Variants in NDST3 observed in about 807,000 individuals in gnomAD.
The protein encoded by NDST3 is bifunctional heparan sulfate N-deacetylase/N-sulfotransferase 3.
NDST3 carries 58 observed loss-of-function variants against 96.1 expected under a neutral mutation model. The observed-to-expected ratio is 0.60, with a 90% confidence interval of 0.49 to 0.75. NDST3 has a LOEUF of 0.75. NDST3 is among the 30% of genes least tolerant of loss of function. The pLI is 0.00. For missense variants in NDST3, 788 were observed against 1,034.2 expected, an observed-to-expected ratio of 0.76 and a Z score of 3.27; for synonymous variants, 333 against 359.7, an observed-to-expected ratio of 0.93 and a Z score of 0.84.
intron 6 of NDST3, among the ~76,000 whole-genome samples, chr4:118,220,024 T>C (rs1578832498): frequency 6.6e-6 from 1 of 152,056 alleles, no homozygotes; most frequent in Non-Finnish European, 1.5e-5. Flanking sequence ...TTGGTAGGAA[T>C]GTAAATTAGT....
At chr4:118,060,286 AAT>A (rs1323251683) in intron 2 of NDST3, among the ~76,000 whole-genome samples, 8 of 152,150 alleles carry the variant, frequency 5.3e-5, no homozygotes, top group African/African-American at 1.2e-4. Context: ...ATTGTATTTT[AAT>A]ATGTTTTTTC....
At chr4:118,099,233 G>A (rs895568645) in intron 2 of NDST3, among the ~76,000 whole-genome samples, 3 of 152,008 alleles carry the variant, frequency 2.0e-5, no homozygotes, top group Admixed American at 6.6e-5. Flanking sequence ...TAAGTCACTC[G>A]GATTTCAATC....
chr4:118,141,793 A>G (rs1245849389), intron 5 of NDST3, among the ~76,000 whole-genome samples: 1 of 152,080 alleles, frequency 6.6e-6, no homozygotes, highest in East Asian at 1.9e-4. Flanking sequence ...AAATCCTTCA[A>G]GAGTAGAAAA....
chr4:118,185,636 T>C (rs1736902625), intron 6 of NDST3, among the ~76,000 whole-genome samples: 2 of 152,024 alleles, frequency 1.3e-5, no homozygotes. Flanking sequence ...AGCCACATGG[T>C]TGAAGATTTA....
At chr4:118,068,212 G>A (rs1370345386) in intron 2 of NDST3, among the ~76,000 whole-genome samples, 2 of 100,066 alleles carry the variant, frequency 2.0e-5, no homozygotes, top group Non-Finnish European at 3.7e-5. Context: ...TCACCATGTT[G>A]CCCAGGCTGA....
In NDST3 at chr4:118,057,331, T is replaced by C. The variant is rs1025571327; in HGVS notation, c.981+2440T>C. Among the ~76,000 whole-genome samples the C allele has an allele frequency of 2.0e-5, 3 of 152,024 alleles. No homozygotes were observed. In the South Asian group the frequency reaches 6.2e-4, roughly 31 times the overall value. On this transcript the variant is annotated intron_variant, in intron 2 of 13. Transcript: ENST00000296499. The stretch of plus-strand genomic sequence containing the variant: ...AAAATTTCAGTTTTATTAAAGTCCA[T>C]GTGGGATGCAGAGCATTTCACAGGT...
chr4:118,059,096 A>C (rs1415121071), intron 2 of NDST3, among the ~76,000 whole-genome samples: 1 of 151,988 alleles, frequency 6.6e-6, no homozygotes, highest in Non-Finnish European at 1.5e-5. Context: ...TCTCTCTTTG[A>C]TTTCTGTAAT....
intron 2 of NDST3, among the ~76,000 whole-genome samples, chr4:118,085,109 C>T (rs1728319400): frequency 1.6e-5 from 2 of 127,328 alleles, no homozygotes; most frequent in Admixed American, 9.6e-5. Context: ...GGCGACAGAG[C>T]GAGACTCCGT....
chr4:118,038,026 C>T (rs1331886517), intron 1 of NDST3, among the ~76,000 whole-genome samples: 1 of 152,170 alleles, frequency 6.6e-6, no homozygotes, highest in Admixed American at 6.5e-5. Flanking sequence ...CAACACTGAT[C>T]TGTAACTTTA....
At chr4:118,133,436 G>A (rs1001805079) in intron 4 of NDST3, among the ~76,000 whole-genome samples, 3 of 152,112 alleles carry the variant, frequency 2.0e-5, no homozygotes, top group Non-Finnish European at 2.9e-5. Context: ...GGCCACTGCC[G>A]GGAGATAGGG....
chr4:118,091,563 T>C (rs974874639), intron 2 of NDST3, among the ~76,000 whole-genome samples: 2 of 151,692 alleles, frequency 1.3e-5, no homozygotes, highest in African/African-American at 4.8e-5. Flanking sequence ...GTGATAATCA[T>C]GAGTAATGTG....
chr4:118,179,828 C>T (rs1372660055), intron 6 of NDST3, among the ~76,000 whole-genome samples: 1 of 152,012 alleles, frequency 6.6e-6, no homozygotes, highest in Admixed American at 6.6e-5. Flanking sequence ...GAATAAGTCT[C>T]AATTTAGTAA....
chr4:118,034,773 C>T (rs1724051518), intron 1 of NDST3, among the ~76,000 whole-genome samples, 181 bp downstream of exon 1: 1 of 152,020 alleles, frequency 6.6e-6, no homozygotes, highest in Non-Finnish European at 1.5e-5. Context: ...AACAAAGGAC[C>T]GTCTCATTCA....
chr4:118,193,862 G>T, intron 6 of NDST3: 1 of 1,155,858 alleles, frequency 8.7e-7, no homozygotes, highest in Non-Finnish European at 1.3e-6. Flanking sequence ...TTCCTCATTG[G>T]AAAAACTAGA....
intron 2 of NDST3, among the ~76,000 whole-genome samples, chr4:118,064,472 C>A (rs544408153): frequency 2.0e-5 from 3 of 151,996 alleles, no homozygotes; most frequent in South Asian, 4.2e-4. Flanking sequence ...TACTTGACAT[C>A]ATTTATAAAC....
intron 5 of NDST3, among the ~76,000 whole-genome samples, chr4:118,140,349 C>G (rs1345082716): frequency 1.3e-5 from 2 of 152,154 alleles, no homozygotes; most frequent in South Asian, 4.1e-4. Flanking sequence ...ATTCCTACAA[C>G]ACATCATTTT....
intron 6 of NDST3, among the ~76,000 whole-genome samples, chr4:118,184,847 T>A (rs1178294110): frequency 6.6e-6 from 1 of 152,194 alleles, no homozygotes; most frequent in Non-Finnish European, 1.5e-5. Context: ...CCTCTGACTA[T>A]GAAAGCTGCA....
chr4:118,069,726 T>C (rs1726892058), intron 2 of NDST3, among the ~76,000 whole-genome samples: 1 of 152,090 alleles, frequency 6.6e-6, no homozygotes, highest in African/African-American at 2.4e-5. Flanking sequence ...AGAGTTAATA[T>C]GGTCACTTAT....
At chr4:118,137,902 G>C in intron 4 of NDST3, 152 bp from the exon 5 acceptor site, 1 of 590,162 alleles carries the variant, frequency 1.7e-6, no homozygotes, top group South Asian at 3.7e-5. Context: ...GACGTCTAGA[G>C]GTGTTAATAC....
Sources: allele counts gnomAD v4.1 joint callset (sites outside exome capture counted in the v4.1 genomes callset), GRCh38; gene constraint gnomAD v4.1.1; transcripts MANE v1.5; gene names NCBI Gene and HGNC (gene_info 2026-07-23, HGNC 2026-07-21).